Variants in GPHN observed in about 807,000 individuals in gnomAD.
GPHN encodes gephyrin.
GPHN carries 17 observed loss-of-function variants against 95.5 expected under a neutral mutation model. The ratio of observed to expected loss-of-function variants is 0.18; its 90% CI spans 0.12 to 0.27. The LOEUF is 0.27. GPHN is among the 10% of genes least tolerant of loss of function. The pLI is 1.00. For synonymous variants in GPHN, 320 were observed against 322.5 expected (o/e 0.99, Z 0.08); for missense variants, 660 against 978.1 (o/e 0.67, Z 4.34).
intron 1 of GPHN, among the ~76,000 whole-genome samples, chr14:66,521,260 A>AT (rs373446238): frequency 7.3e-5 from 11 of 150,036 alleles, no homozygotes; most frequent in East Asian, 3.9e-4. Flanking sequence ...GTCAGAGGAA[A>AT]TTTTTTTTTT....
the GPHN span, among the ~76,000 whole-genome samples, chr14:67,723,336 C>A: frequency 6.6e-6 from 1 of 152,182 alleles, no homozygotes; most frequent in East Asian, 1.9e-4. Context: ...TGGGCTCAAG[C>A]AACCCTCCTG....
At chr14:67,260,027 T>G in the GPHN span, among the ~76,000 whole-genome samples, 1 of 152,202 alleles carries the variant, frequency 6.6e-6, no homozygotes, top group African/African-American at 2.4e-5. Flanking sequence ...GGAGAGAGAT[T>G]TAAACAGAAA....
At chr14:67,053,200 A>T (rs1322965410) in intron 10 of GPHN, among the ~76,000 whole-genome samples, 76 of 148,610 alleles carry the variant, frequency 5.1e-4, no homozygotes, top group African/African-American at 1.7e-3. Flanking sequence ...GGAAAAAAAA[A>T]TTAATAAAAT....
At chr14:66,518,735 A>G (rs1427967175) in intron 1 of GPHN, among the ~76,000 whole-genome samples, 1 of 152,168 alleles carries the variant, frequency 6.6e-6, no homozygotes, top group South Asian at 2.1e-4. Flanking sequence ...CCAGGAATGG[A>G]AAGTTAAACA....
chr14:67,606,447 A>G, the GPHN span, among the ~76,000 whole-genome samples: 1 of 152,226 alleles, frequency 6.6e-6, no homozygotes, highest in African/African-American at 2.4e-5. Context: ...GAAAGTTTAG[A>G]TAAAAGATGG....
intron 3 of GPHN, among the ~76,000 whole-genome samples, chr14:66,820,473 C>G (rs75535762): frequency 0.016 from 2,378 of 152,222 alleles, 33 homozygotes; most frequent in Non-Finnish European, 0.018. Flanking sequence ...TATGTGAGGA[C>G]TGTCATCAAG....
chr14:66,826,577 G>A (rs146026731), intron 4 of GPHN, among the ~76,000 whole-genome samples: 10 of 152,122 alleles, frequency 6.6e-5, no homozygotes, highest in South Asian at 2.1e-4. Flanking sequence ...CCCAAACCGC[G>A]TCCCCCACCC....
chr14:66,864,763 ACT>A (rs1246368506), intron 4 of GPHN, among the ~76,000 whole-genome samples: 2 of 147,246 alleles, frequency 1.4e-5, no homozygotes, highest in African/African-American at 5.2e-5. Context: ...ACAGAGCGAG[ACT>A]CTGTCTCAAA....
chr14:66,585,960 C>T (rs370415396), intron 1 of GPHN, among the ~76,000 whole-genome samples: 37 of 152,132 alleles, frequency 2.4e-4, no homozygotes, highest in South Asian at 1.9e-3. Context: ...CTTTCTGTCT[C>T]GTTGATCTGT....
chr14:67,068,034 G>A (rs561572459), intron 11 of GPHN, among the ~76,000 whole-genome samples: 12 of 152,280 alleles, frequency 7.9e-5, no homozygotes, highest in Admixed American at 2.6e-4. Context: ...TGTCTTCTGC[G>A]TCGGTCATGC....
chr14:67,431,251 G>T, the GPHN span, among the ~76,000 whole-genome samples: 1 of 151,958 alleles, frequency 6.6e-6, no homozygotes, highest in Non-Finnish European at 1.5e-5. Context: ...AAATTAGCTG[G>T]GCATGGTGGC....
intron 2 of GPHN, among the ~76,000 whole-genome samples, chr14:66,702,296 T>G (rs751177786): frequency 6.6e-6 from 1 of 152,080 alleles, no homozygotes; most frequent in Non-Finnish European, 1.5e-5. Context: ...AGGGACAATC[T>G]AAGTACTTCA....
the GPHN span, chr14:67,269,756 T>C: frequency 6.6e-6 from 1 of 152,650 alleles, no homozygotes; most frequent in African/African-American, 2.4e-5. Flanking sequence ...AAAAGGACAG[T>C]AGAAAAGGCT....
the GPHN span, among the ~76,000 whole-genome samples, chr14:67,256,248 T>A: frequency 6.9e-6 from 1 of 144,574 alleles, no homozygotes; most frequent in Non-Finnish European, 1.6e-5. Context: ...TTTATAAACA[T>A]CTTCTATGTA....
At chr14:66,928,034 G>C (rs1304513132) in intron 8 of GPHN, among the ~76,000 whole-genome samples, 1 of 152,060 alleles carries the variant, frequency 6.6e-6, no homozygotes, top group Non-Finnish European at 1.5e-5. Flanking sequence ...TTAGTATCAG[G>C]GTAATACTGA....
intron 1 of GPHN, among the ~76,000 whole-genome samples, chr14:66,531,192 C>G (rs552768880): frequency 1.3e-5 from 2 of 152,086 alleles, no homozygotes; most frequent in Non-Finnish European, 2.9e-5. Context: ...GTGATCCACC[C>G]GCCTTAGCCC....
chr14:67,516,315 C>G, the GPHN span, among the ~76,000 whole-genome samples: 1 of 152,238 alleles, frequency 6.6e-6, no homozygotes, highest in East Asian at 1.9e-4. Flanking sequence ...GGAGAGGGTA[C>G]CCTTTCTAAT....
chr14:67,406,167 A>T, the GPHN span, among the ~76,000 whole-genome samples: 799 of 151,936 alleles, frequency 5.3e-3, 3 homozygotes, highest in Non-Finnish European at 8.3e-3. Flanking sequence ...GCTGAGACAC[A>T]AGAATCACTT....
At chr14:66,545,757 C>T (rs1380285438) in intron 1 of GPHN, among the ~76,000 whole-genome samples, 85 of 137,840 alleles carry the variant, frequency 6.2e-4, no homozygotes, top group Middle Eastern at 4.4e-3. Flanking sequence ...ACCTCCCTCC[C>T]GGACGGGGCA....
Sources: gnomAD v4.1 joint callset for allele counts (sites outside exome capture counted in the v4.1 genomes callset) on GRCh38, gnomAD v4.1.1 for gene constraint, MANE v1.5 for transcripts, NCBI Gene and HGNC (gene_info 2026-07-23, HGNC 2026-07-21) for gene names.